The following TRIM34 variants were observed in gnomAD, a reference collection of about 807,000 sequenced individuals.
TRIM34 encodes tripartite motif containing 34.
In TRIM34, 41 loss-of-function variants were observed where a neutral mutation model predicts 38.1. That is an observed-to-expected ratio of 1.08 (90% confidence interval 0.84 to 1.40). TRIM34 has a LOEUF of 1.40. Ranked by LOEUF, TRIM34 falls within the 40% of genes most tolerant of loss-of-function variation. The pLI is 0.00. For missense variants in TRIM34, 556 were observed against 571.4 expected, an observed-to-expected ratio of 0.97 and a Z score of 0.27; for synonymous variants, 200 against 202.5, an observed-to-expected ratio of 0.99 and a Z score of 0.10.
chr11:5,633,762 G>T, intron 2 of TRIM34, 42 bp from the exon 3 acceptor site: 1 of 1,579,450 alleles, frequency 6.3e-7, no homozygotes, highest in Non-Finnish European at 8.6e-7. Context: ...CAGATACTAA[G>T]AAAGCTTATA....
intron 4 of TRIM34, among the ~76,000 whole-genome samples, chr11:5,638,221 G>GCTA (rs1849832668): frequency 6.6e-6 from 1 of 152,206 alleles, no homozygotes; most frequent in Admixed American, 6.5e-5. Context: ...TAATATCAGT[G>GCTA]AAGATAATTC....
At position 5,644,101 on chromosome 11, in the gene TRIM34, T is replaced by G. The variant is rs1020205931; in HGVS notation, c.*392T>G. On this transcript the variant is annotated 3_prime_UTR_variant, in exon 8 of 8. Coordinates refer to ENST00000429814, the MANE Select transcript of TRIM34 (RefSeq NM_021616.6). ...ATCAACTAAAGGTTCTTGGAGGGTATGTCAGTGTGTTGCTCAGGATACCCC... is the reference window on the plus strand; with the variant it reads ...ATCAACTAAAGGTTCTTGGAGGGTAGGTCAGTGTGTTGCTCAGGATACCCC... 10 of 408,094 alleles carry G rather than the reference T, an allele frequency of 2.5e-5. No homozygotes were observed. The highest frequency in any genetic ancestry group is 2.0e-4 in the African/African-American group (10 of 48,792). The allele number at this position is 408,094 out of a possible 1,614,324, so 25.3% of individuals were successfully genotyped here. A position where few individuals can be genotyped will look rare whatever the true frequency, so the allele number is the denominator to read the frequency against.
At chr11:5,620,156 TTTTC>T (rs1848929016), upstream of TRIM34, 1 of 143,736 alleles carries the variant, frequency 7.0e-6, no homozygotes, top group Non-Finnish European at 1.5e-5. Flanking sequence ...TTTTTTTTCC[TTTTC>T]TTTCTTCTTT....
In TRIM34 at chr11:5,643,125, A is replaced by ATATATAT. The variant is rs1554923130; in HGVS notation, c.902-18_902-17insATATATT. ...ATTATATTCATATACATATATATAT[A>ATATATAT]TTTTTTTTTTTCTTGCAGTGGATGT... On this transcript the variant is annotated intron_variant, in intron 7 of 7. Coordinates refer to ENST00000429814, the MANE Select transcript of TRIM34 (RefSeq NM_021616.6). 48,775 of 966,274 alleles carry ATATATAT rather than the reference A, an allele frequency of 0.05. 746 individuals carry two copies. Among genetic ancestry groups the ATATATAT allele is most frequent in the Admixed American group, 0.062 (1,067 of 17,346 alleles). 59.9% of individuals were successfully genotyped at this position (966,274 alleles called of 1,614,324 possible).
intron 6 of TRIM34, 62 bp downstream of exon 6, chr11:5,642,568 T>C: frequency 3.8e-6 from 6 of 1,570,994 alleles, no homozygotes; most frequent in East Asian, 2.3e-5. Flanking sequence ...TAATAAACTG[T>C]CTAGGTGGGA....
chr11:5,624,863 T>C (rs1849133089), upstream of TRIM34: 1 of 152,212 alleles, frequency 6.6e-6, no homozygotes, highest in South Asian at 2.1e-4. Flanking sequence ...CACAGCTCAT[T>C]TCACCTAGAC....
At chr11:5,631,233 C>CT (rs1217789006) in intron 1 of TRIM34, among the ~76,000 whole-genome samples, 1 of 152,192 alleles carries the variant, frequency 6.6e-6, no homozygotes, top group Non-Finnish European at 1.5e-5. Context: ...AAGACCCCCC[C>CT]AGAAATTCCC....
chr11:5,632,294 C>T lies in TRIM34; in HGVS notation c.-38C>T. The T allele has an allele frequency of 6.2e-7, 1 of 1,613,552 alleles. No individual in the cohort carries two copies. The highest frequency in any genetic ancestry group is 1.1e-5 in the South Asian group (1 of 91,004). ...TTAACCAGAAGAGAGAGGAGAGCCT[C>T]AGGAGTTAGGACCAGAAGAAGCCAG... On this transcript the variant is annotated 5_prime_UTR_variant, in exon 2 of 8. Coordinates refer to ENST00000429814, the MANE Select transcript of TRIM34 (RefSeq NM_021616.6).
chr11:5,622,444 CAA>C (rs58936463), upstream of TRIM34, among the ~76,000 whole-genome samples: 8 of 116,394 alleles, frequency 6.9e-5, no homozygotes, highest in Non-Finnish European at 3.6e-5. Flanking sequence ...GACTACCTCT[CAA>C]AAAAAAAAAA....
In TRIM34 at chr11:5,642,485, A is replaced by G. The variant is rs774036085; in HGVS notation, c.853A>G (p.Arg285Gly). The change falls in exon 6 of 8, where the codon AGG becomes GGG. Residue 285 changes from arginine (R) to glycine (G), a missense_variant. Coordinates refer to ENST00000429814, the MANE Select transcript of TRIM34 (RefSeq NM_021616.6). ...KTVFHAPDLSRMLQMFRELTA... is the reference protein window; with the variant it reads ...KTVFHAPDLSGMLQMFRELTA... ...TGTATTCCATGCTCCAGATCTGAGT[A>G]GGATGCTGCAAATGTTTAGAGGTGA... 6.2e-7 allele frequency: 1 copy of G among 1,614,022 alleles called. No homozygotes were observed. The highest frequency in any genetic ancestry group is 8.5e-7 in the Non-Finnish European group (1 of 1,179,952).
At chr11:5,642,732 C>CCT in intron 6 of TRIM34, 85 bp from the exon 7 acceptor site, 1 of 1,565,926 alleles carries the variant, frequency 6.4e-7, no homozygotes, top group Non-Finnish European at 8.7e-7. Flanking sequence ...ATTCCCTTCC[C>CCT]CTGTCCCTAC....
At chr11:5,628,716 A>G (rs564543628) in intron 1 of TRIM34, among the ~76,000 whole-genome samples, 1 of 152,292 alleles carries the variant, frequency 6.6e-6, no homozygotes, top group African/African-American at 2.4e-5. Context: ...GTTGTAACCA[A>G]TTATCACAAA....
chr11:5,630,035 C>T lies in TRIM34; in HGVS notation c.-77-2220C>T, dbSNP rs114288075. Among the ~76,000 whole-genome samples, 458 of 152,186 alleles carry T rather than the reference C, an allele frequency of 3.0e-3. 1 individual carries two copies. Among genetic ancestry groups the T allele is most frequent in the African/African-American group, 0.011 (443 of 41,516 alleles). ...TGAGGATTCTTACGGTGGTACAAGA[C>T]CATGTGACCATGTGGATGCGTGTGA... On this transcript the variant is annotated intron_variant, in intron 1 of 7. Coordinates refer to ENST00000429814, the MANE Select transcript of TRIM34 (RefSeq NM_021616.6).
chr11:5,623,711 T>C (rs915261302), upstream of TRIM34, among the ~76,000 whole-genome samples: 7 of 152,104 alleles, frequency 4.6e-5, no homozygotes, highest in Non-Finnish European at 1.0e-4. Context: ...AAGCCGCAAT[T>C]ACTTTTGCAC....
intron 2 of TRIM34, 47 bp from the exon 3 acceptor site, chr11:5,633,757 A>C (rs376007323): frequency 6.4e-7 from 1 of 1,572,554 alleles, no homozygotes; most frequent in Non-Finnish European, 8.6e-7. Context: ...CTATCCAGAT[A>C]CTAAGAAAGC....
At chr11:5,641,315 T>A in intron 5 of TRIM34, 126 bp downstream of exon 5, 3 of 1,554,644 alleles carry the variant, frequency 1.9e-6, no homozygotes, top group Non-Finnish European at 2.6e-6. Context: ...TGTATCGTTA[T>A]CTTAAATTGC....
chr11:5,639,536 C>T (rs1337680705), intron 4 of TRIM34, among the ~76,000 whole-genome samples: 2 of 151,624 alleles, frequency 1.3e-5, no homozygotes, highest in Non-Finnish European at 2.9e-5. Context: ...AAAAATTAGC[C>T]GGGCATGGTG....
At chr11:5,639,403 A>G (rs2342380) in intron 4 of TRIM34, among the ~76,000 whole-genome samples, 49,343 of 151,812 alleles carry the variant, frequency 0.33, 8,972 homozygotes, top group East Asian at 0.62. Flanking sequence ...ATTGGAGGCC[A>G]GGCGCGGTGG....
chr11:5,637,658 CT>C (rs1375202535), intron 4 of TRIM34, among the ~76,000 whole-genome samples: 4 of 152,146 alleles, frequency 2.6e-5, no homozygotes, highest in African/African-American at 7.2e-5. Flanking sequence ...ATTCAGATTG[CT>C]GTGCAACCAT....
Sources: allele counts gnomAD v4.1 joint callset (sites outside exome capture counted in the v4.1 genomes callset), GRCh38; gene constraint gnomAD v4.1.1; transcripts MANE v1.5; gene names NCBI Gene and HGNC (gene_info 2026-07-23, HGNC 2026-07-21).